Variants in LRRC63 observed in about 807,000 individuals in gnomAD.
LRRC63 encodes the protein leucine rich repeat containing 63.
LRRC63 carries 40 observed loss-of-function variants against 49.5 expected under a neutral mutation model. The observed-to-expected ratio is 0.81, with a 90% CI of 0.63 to 1.05. The LOEUF (loss-of-function observed/expected upper bound fraction) is 1.05. Ranked by LOEUF, LRRC63 falls within the 50% of genes least tolerant of loss-of-function variation. The pLI, the probability that LRRC63 is intolerant of heterozygous loss-of-function variation, is 0.00. For missense variants in LRRC63, 636 were observed against 663.1 expected (o/e 0.96, Z 0.45); for synonymous variants, 191 against 221.1 (o/e 0.86, Z 1.21).
At chr13:46,256,423 G>A (rs544381440) in intron 7 of LRRC63, among the ~76,000 whole-genome samples, 31 of 152,312 alleles carry the variant, frequency 2.0e-4, no homozygotes, top group African/African-American at 7.2e-4. Context: ...AAAAGACAGA[G>A]CCAGAAGCCA....
At chr13:46,244,175 T>C (rs990356631) in intron 5 of LRRC63, among the ~76,000 whole-genome samples, 11 of 152,212 alleles carry the variant, frequency 7.2e-5, no homozygotes, top group Admixed American at 2.6e-4. Flanking sequence ...GTGGGTGTTA[T>C]AGCTAATATA....
At chr13:46,276,838 A>ATATATATATT (rs2047846653) in exon 10 of LRRC63, 1 of 155,514 alleles carries the variant, frequency 6.4e-6, no homozygotes, top group African/African-American at 2.7e-5. Context: ...GTATATATAT[A>ATATATATATT]TATATATATA....
At chr13:46,267,041 C>A (rs762144696) in intron 9 of LRRC63, 69 bp downstream of exon 9, 20 of 1,389,964 alleles carry the variant, frequency 1.4e-5, no homozygotes, top group Non-Finnish European at 1.9e-5. Context: ...TCATTACAGG[C>A]TTAGATGACA....
Position 46,249,009 on chromosome 13 carries a change from A to T in LRRC63, c.1090-1346A>T, listed in dbSNP as rs931654802. ...AAGAAATTTGGAAATTCACAAATAT[A>T]TGGAAATTAAGCAACATACTCCTAA... is the stretch of plus-strand genomic sequence containing the variant. On this transcript the variant is annotated intron_variant, in intron 6 of 9. Coordinates refer to ENST00000595396, the Ensembl canonical transcript of LRRC63. Among the ~76,000 whole-genome samples the T allele has an allele frequency of 3.8e-4, 57 of 151,912 alleles. 4 individuals carry two copies.
Position 46,228,850 on chromosome 13 carries a change from T to A in LRRC63, c.832+117T>A, listed in dbSNP as rs529333127. 68 of 656,434 alleles carry A rather than the reference T, an allele frequency of 1.0e-4. 1 individual carries two copies. In the African/African-American group the frequency reaches 1.2e-3, roughly 11 times the overall value. 40.7% of individuals were successfully genotyped at this position (656,434 alleles called of 1,614,324 possible). A position where few individuals can be genotyped will look rare whatever the true frequency, so the allele number is the denominator to read the frequency against. ...GATTCACACATGCATAACACACATATGTCTTACCTCATTTTCAGCTCCCTA... is the reference window on the plus strand; with the variant it reads ...GATTCACACATGCATAACACACATAAGTCTTACCTCATTTTCAGCTCCCTA... On this transcript the variant is annotated intron_variant, in intron 4 of 9. Transcript: ENST00000595396.
chr13:46,275,510 A>G (rs1228929651), intron 9 of LRRC63, among the ~76,000 whole-genome samples: 4 of 152,102 alleles, frequency 2.6e-5, no homozygotes, highest in Non-Finnish European at 4.4e-5. Context: ...TATAATAGCC[A>G]TTCTCACTAG....
At chr13:46,212,758 A>G (rs1006802857) in intron 1 of LRRC63, among the ~76,000 whole-genome samples, 1 of 152,240 alleles carries the variant, frequency 6.6e-6, no homozygotes, top group African/African-American at 2.4e-5. Context: ...CTGGGTAGTA[A>G]TAATACACAT....
intron 8 of LRRC63, among the ~76,000 whole-genome samples, chr13:46,263,136 T>G (rs550461983): frequency 6.6e-6 from 1 of 151,986 alleles, no homozygotes; most frequent in Admixed American, 6.6e-5. Context: ...ACCTATTTTT[T>G]TAAGGATGCT....
intron 9 of LRRC63, among the ~76,000 whole-genome samples, chr13:46,272,125 G>A (rs2047768051): frequency 6.6e-6 from 1 of 152,222 alleles, no homozygotes; most frequent in Admixed American, 6.5e-5. Flanking sequence ...CGTCTACAAT[G>A]TGGATACATT....
chr13:46,220,211 C>T (rs146279501), intron 2 of LRRC63, among the ~76,000 whole-genome samples: 9 of 152,288 alleles, frequency 5.9e-5, no homozygotes, highest in Middle Eastern at 3.4e-3. Context: ...CCCATGGCCG[C>T]CTCTTCCCCC....
intron 5 of LRRC63, among the ~76,000 whole-genome samples, 154 bp from the exon 6 acceptor site, chr13:46,246,373 T>TA (rs1047645671): frequency 1.3e-3 from 195 of 151,450 alleles, no homozygotes; most frequent in African/African-American, 4.2e-3. Flanking sequence ...CATGACAGAC[T>TA]AAAAAAAAAT....
At position 46,228,752 on chromosome 13, in the gene LRRC63, C is replaced by T. The variant is rs138105770; in HGVS notation, c.832+19C>T. On this transcript the variant is annotated intron_variant, in intron 4 of 9. Coordinates refer to ENST00000595396, the Ensembl canonical transcript of LRRC63. ...CCTGAAGGTAAATGCTAGATTTATA[C>T]AATTCTTTTAGAAAATGTATGTAAG... 114 of 1,469,150 alleles carry T rather than the reference C, an allele frequency of 7.8e-5. No individual in the cohort carries two copies. Among genetic ancestry groups the T allele is most frequent in the Non-Finnish European group, 5.8e-5 (63 of 1,078,260 alleles). 91.0% of individuals were successfully genotyped at this position (1,469,150 alleles called of 1,614,324 possible).
At chr13:46,243,931 C>G (rs1252833689) in intron 5 of LRRC63, among the ~76,000 whole-genome samples, 2 of 151,912 alleles carry the variant, frequency 1.3e-5, no homozygotes, top group Non-Finnish European at 2.9e-5. Context: ...TGTTTTCAGA[C>G]AAAGAAAAGC....
At chr13:46,254,981 T>C (rs1294327073) in intron 7 of LRRC63, among the ~76,000 whole-genome samples, 1 of 152,228 alleles carries the variant, frequency 6.6e-6, no homozygotes, top group Admixed American at 6.5e-5. Flanking sequence ...CTAATTGTTT[T>C]TATTCGCAAT....
chr13:46,246,430 C>T, intron 5 of LRRC63, 97 bp from the exon 6 acceptor site: 1 of 513,988 alleles, frequency 1.9e-6, no homozygotes, highest in Non-Finnish European at 3.3e-6. Flanking sequence ...GTAAAACATT[C>T]TCATTCAAAT....
chr13:46,255,105 T>C (rs1192146828), intron 7 of LRRC63, among the ~76,000 whole-genome samples: 3 of 151,952 alleles, frequency 2.0e-5, no homozygotes, highest in Admixed American at 6.6e-5. Context: ...GAAATGCTAG[T>C]ATATGCTACA....
At chr13:46,274,127 A>G (rs1272429607) in intron 9 of LRRC63, among the ~76,000 whole-genome samples, 1 of 152,160 alleles carries the variant, frequency 6.6e-6, no homozygotes, top group South Asian at 2.1e-4. Flanking sequence ...ACTCATGTCC[A>G]TAACAGGTAA....
At chr13:46,263,271 G>T (rs1315219556) in intron 8 of LRRC63, among the ~76,000 whole-genome samples, 1 of 151,902 alleles carries the variant, frequency 6.6e-6, no homozygotes, top group Non-Finnish European at 1.5e-5. Flanking sequence ...TGAACTCCTG[G>T]ACTCACAATT....
intron 4 of LRRC63, among the ~76,000 whole-genome samples, chr13:46,230,683 T>C (rs547750317): frequency 6.6e-6 from 1 of 152,320 alleles, no homozygotes; most frequent in Non-Finnish European, 1.5e-5. Flanking sequence ...GTTATGCACA[T>C]CTCTCTAGCA....
Sources: gnomAD v4.1 joint callset for allele counts (sites outside exome capture counted in the v4.1 genomes callset) on GRCh38, gnomAD v4.1.1 for gene constraint, MANE v1.5 for transcripts, NCBI Gene and HGNC (gene_info 2026-07-23, HGNC 2026-07-21) for gene names.